Variants in RNF169 observed in about 807,000 individuals in gnomAD.
RNF169 encodes the protein E3 ubiquitin-protein ligase RNF169.
A neutral mutation model predicts 53.9 loss-of-function variants in RNF169; 24 were observed. That is an observed-to-expected ratio of 0.45 (90% confidence interval 0.32 to 0.63). The LOEUF is 0.63. RNF169 is among the 20% of genes least tolerant of loss of function. RNF169 has a pLI of 0.04. For synonymous variants in RNF169, 396 were observed against 363.5 expected (o/e 1.09, Z -1.02); for missense variants, 883 against 906.2 (o/e 0.97, Z 0.33).
At chr11:74,806,388 G>A (rs2035806001) in intron 2 of RNF169, among the ~76,000 whole-genome samples, 2 of 152,180 alleles carry the variant, frequency 1.3e-5, no homozygotes, top group Non-Finnish European at 2.9e-5. Context: ...GGAGGCAGGC[G>A]TGTAATCTGT....
Position 74,749,013 on chromosome 11 carries a change from C to G in RNF169, c.133C>G (p.Pro45Ala). ...TGGGGCCCCAGGCCCGGCTTCTGGA[C>G]CTTCGCTGTTGGTGTTGTCGCCGCC... is the stretch of plus-strand genomic sequence containing the variant. ...KTGAPGPASGPSLLVLSPPLL... is the reference protein window; with the variant it reads ...KTGAPGPASGASLLVLSPPLL... Residue 45 changes from proline to alanine, a missense_variant, in exon 1 of 6, where the codon CCT becomes GCT. Around this residue, in one of 3 missense-constraint regions of RNF169, gnomAD observed 313 missense variants for 279.9 expected, o/e 1.12. Transcript: ENST00000299563. 1.3e-6 allele frequency: 2 copies of G among 1,498,244 alleles called. No individual in the cohort carries two copies. Among genetic ancestry groups the G allele is most frequent in the Non-Finnish European group, 1.8e-6 (2 of 1,120,810 alleles). The allele number at this position is 1,498,244 out of a possible 1,614,324, so 92.8% of individuals were successfully genotyped here.
At chr11:74,751,395 G>A (rs900134727) in intron 1 of RNF169, among the ~76,000 whole-genome samples, 14 of 152,114 alleles carry the variant, frequency 9.2e-5, no homozygotes, top group African/African-American at 3.4e-4. Flanking sequence ...TGAGATTATG[G>A]TCACGATATA....
At chr11:74,774,557 G>T (rs1370132082) in intron 1 of RNF169, among the ~76,000 whole-genome samples, 3 of 151,990 alleles carry the variant, frequency 2.0e-5, no homozygotes, top group African/African-American at 4.8e-5. Context: ...CCTACCCTGG[G>T]GTACCTTGGA....
At chr11:74,817,807 C>CT (rs1441022636) in intron 4 of RNF169, 93 bp downstream of exon 4, 5 of 797,166 alleles carry the variant, frequency 6.3e-6, no homozygotes, top group Non-Finnish European at 1.1e-5. Flanking sequence ...GTTGTGGCTA[C>CT]TTTGGTGGGG....
rs2034837964 is a variant in RNF169, at chr11:74,748,972, C to T, written c.92C>T (p.Thr31Met). The change falls in exon 1 of 6, where the codon ACG (threonine) becomes ATG (methionine). Residue 31 changes from threonine (T) to methionine (M), a missense_variant. This residue lies in a region of RNF169 where 313 missense variants were observed against 279.9 expected (regional missense o/e 1.12). Transcript: ENST00000299563. ...GGCCGGCGGGGCCGCTGTGACGAGA[C>T]GGCGGCAGCTAAGACTGGGGCCCCA... ...RRGRRGRCDE[T>M]AAAKTGAPGP... 6.8e-7 allele frequency: 1 copy of T among 1,480,072 alleles called. No individual in the cohort carries two copies. Among genetic ancestry groups the T allele is most frequent in the Non-Finnish European group, 9.0e-7 (1 of 1,106,336 alleles). 91.7% of individuals were successfully genotyped at this position (1,480,072 alleles called of 1,614,324 possible). A position where few individuals can be genotyped will look rare whatever the true frequency, so the allele number is the denominator to read the frequency against.
At chr11:74,798,666 C>G (rs1340744281) in intron 2 of RNF169, among the ~76,000 whole-genome samples, 1 of 152,146 alleles carries the variant, frequency 6.6e-6, no homozygotes, top group East Asian at 1.9e-4. Flanking sequence ...CACTCCCTCC[C>G]CTTTTGAAAA....
At chr11:74,782,867 T>C (rs2035436335) in intron 1 of RNF169, among the ~76,000 whole-genome samples, 1 of 151,890 alleles carries the variant, frequency 6.6e-6, no homozygotes, top group African/African-American at 2.4e-5. Flanking sequence ...ATGGTTGTAT[T>C]ATTACCAAGT....
At chr11:74,809,280 A>G (rs2135115855) in intron 2 of RNF169, among the ~76,000 whole-genome samples, 1 of 152,328 alleles carries the variant, frequency 6.6e-6, no homozygotes, top group South Asian at 2.1e-4. Flanking sequence ...CTAGACAGTG[A>G]AAAAGGAAAA....
At chr11:74,751,743 G>A (rs1268791658) in intron 1 of RNF169, among the ~76,000 whole-genome samples, 1 of 152,078 alleles carries the variant, frequency 6.6e-6, no homozygotes, top group Non-Finnish European at 1.5e-5. Context: ...GGATTGTTTT[G>A]TATATACAGT....
At chr11:74,834,565 G>A (rs1019480220) in intron 4 of RNF169, 111 bp from the exon 5 acceptor site, 14 of 585,262 alleles carry the variant, frequency 2.4e-5, no homozygotes, top group Admixed American at 3.5e-5. Context: ...GCTGCCCAAG[G>A]GAATTCTTTC....
chr11:74,802,464 G>A (rs1316107022), intron 2 of RNF169, among the ~76,000 whole-genome samples: 2 of 152,166 alleles, frequency 1.3e-5, no homozygotes, highest in Non-Finnish European at 2.9e-5. Context: ...TGGCCAACAT[G>A]GCAAAACCTC....
At position 74,842,031 on chromosome 11, in the gene RNF169, CTGTT is replaced by C. The variant is rs1011022671; in HGVS notation, c.*5307_*5310del. On this transcript the variant is annotated 3_prime_UTR_variant, in exon 6 of 6. Transcript: ENST00000299563. ...TTTTTTTTTTTTTGAACCTGATACA[CTGTT>C]TGTTTACTCTCAACTCTTTGTACAA... The C allele has an allele frequency of 2.0e-5, 3 of 151,330 alleles. No homozygotes were observed. Among genetic ancestry groups the C allele is most frequent in the East Asian group, 1.9e-4 (1 of 5,166 alleles). 9.4% of individuals were successfully genotyped at this position (151,330 alleles called of 1,614,324 possible).
rs2036265032 is a variant in RNF169 at position 74,836,837 on chromosome 11, C to T, written c.*107C>T. The T allele has an allele frequency of 7.2e-6, 6 of 838,518 alleles. No homozygotes were observed. The East Asian group carries it at 1.6e-4, about 22-fold the overall frequency. The allele number at this position is 838,518 out of a possible 1,614,324, so 51.9% of individuals were successfully genotyped here. On this transcript the variant is annotated 3_prime_UTR_variant, in exon 6 of 6. Transcript: ENST00000299563. ...TTTTATTTTAATGGCAAAACACTGT[C>T]TAATATGGTTCTGAGAGGTTCCAGG...
chr11:74,820,261 TG>T (rs1855889601), intron 4 of RNF169, among the ~76,000 whole-genome samples: 1 of 152,180 alleles, frequency 6.6e-6, no homozygotes, highest in African/African-American at 2.4e-5. Flanking sequence ...AGTAGCATTG[TG>T]ACCTTGAGTA....
At chr11:74,804,336 T>G (rs1459555552) in intron 2 of RNF169, among the ~76,000 whole-genome samples, 1 of 152,110 alleles carries the variant, frequency 6.6e-6, no homozygotes, top group Non-Finnish European at 1.5e-5. Context: ...AGTGAATAAA[T>G]GAGTACAAAT....
intron 2 of RNF169, among the ~76,000 whole-genome samples, chr11:74,794,701 G>GAAATTAAAATTTA (rs1189910177): frequency 6.6e-6 from 1 of 152,182 alleles, no homozygotes; most frequent in Non-Finnish European, 1.5e-5. Flanking sequence ...TAGTTGGAGA[G>GAAATTAAAATTTA]AAATTAAAAT....
chr11:74,788,302 A>AACAC (rs140848727), intron 1 of RNF169, among the ~76,000 whole-genome samples: 7,066 of 150,202 alleles, frequency 0.047, 166 homozygotes, highest in African/African-American at 0.067. Flanking sequence ...CATAAACATA[A>AACAC]ACACACACAC....
chr11:74,834,111 A>G (rs560885353), intron 4 of RNF169, among the ~76,000 whole-genome samples: 32 of 152,332 alleles, frequency 2.1e-4, no homozygotes, highest in African/African-American at 6.0e-4. Context: ...TATAAACTCA[A>G]TGTCATAAAG....
intron 1 of RNF169, among the ~76,000 whole-genome samples, chr11:74,762,816 A>G (rs1291191180): frequency 1.3e-5 from 2 of 152,228 alleles, no homozygotes; most frequent in African/African-American, 4.8e-5. Context: ...CCAAAAACAA[A>G]AATGGAACTA....
Sources: gnomAD v4.1 joint callset for allele counts (sites outside exome capture counted in the v4.1 genomes callset) on GRCh38, gnomAD v4.1.1 for gene constraint, gnomAD v4.1.1 regional missense constraint, MANE v1.5 for transcripts, NCBI Gene and HGNC (gene_info 2026-07-23, HGNC 2026-07-21) for gene names.